JARID2: variants seen among roughly 807,000 people sequenced by gnomAD.
The protein encoded by JARID2 is jumonji and AT-rich interaction domain containing 2.
A neutral mutation model predicts 125.6 loss-of-function variants in JARID2; 21 were observed. That is an observed-to-expected ratio of 0.17 (90% CI 0.12 to 0.24). The LOEUF is 0.24. Among genes scored for constraint, JARID2 ranks in the 10% least tolerant of loss-of-function variants. The pLI, the probability that JARID2 is intolerant of heterozygous loss-of-function variation, is 1.00. For synonymous variants in JARID2, 736 were observed against 661.6 expected, an observed-to-expected ratio of 1.11 and a Z score of -1.73; for missense variants, 1,303 against 1,639.6, an observed-to-expected ratio of 0.79 and a Z score of 3.55.
At chr6:15,507,439 G>A in intron 11 of JARID2, 23 bp downstream of exon 11, 1 of 1,604,754 alleles carries the variant, frequency 6.2e-7, no homozygotes, top group Non-Finnish European at 8.5e-7. Flanking sequence ...GTGGCCGCCT[G>A]CCTGTGGCAG....
At chr6:15,356,237 T>C (rs985983226) in intron 1 of JARID2, among the ~76,000 whole-genome samples, 3 of 152,218 alleles carry the variant, frequency 2.0e-5, no homozygotes, top group African/African-American at 7.2e-5. Context: ...TTTATACTTT[T>C]TGGATATTAT....
intron 1 of JARID2, among the ~76,000 whole-genome samples, chr6:15,285,106 GTTTTTTTT>G (rs199945772): frequency 2.5e-5 from 3 of 119,458 alleles, no homozygotes; most frequent in South Asian, 2.6e-4. Flanking sequence ...GTCTTTCTGG[GTTTTTTTT>G]TTTTTTTTTT....
Position 15,520,082 on chromosome 6 carries a change from G to C in JARID2, c.3572G>C (p.Ser1191Thr), listed in dbSNP as rs752884763. Residue 1191 changes from serine to threonine, a missense_variant, in exon 18 of 18, where the codon AGT becomes ACT. Around this residue, in one of 11 missense-constraint regions of JARID2, gnomAD observed 190 missense variants for 341.4 expected, o/e 0.56. Coordinates refer to ENST00000341776, the MANE Select transcript of JARID2 (RefSeq NM_004973.4). The stretch of plus-strand genomic sequence containing the variant: ...ACCCCCAAACAGGAACAGATTATCA[G>C]TCTGGTCAATCAGATCTGCGGCAAA... Reference protein sequence around the residue: ...MYRYDEEQIISLVNQICGKVS... With the variant: ...MYRYDEEQIITLVNQICGKVS... The C allele has an allele frequency of 1.2e-6, 2 of 1,612,560 alleles. No individual in the cohort carries two copies. Among genetic ancestry groups the C allele is most frequent in the South Asian group, 2.2e-5 (2 of 90,840 alleles).
intron 3 of JARID2, among the ~76,000 whole-genome samples, chr6:15,415,021 C>G (rs574831290): frequency 7.1e-4 from 108 of 152,274 alleles, no homozygotes; most frequent in Middle Eastern, 3.4e-3. Context: ...TGACTCTTAA[C>G]GAGCATGCTG....
chr6:15,378,684 T>C (rs1158693206), intron 2 of JARID2, among the ~76,000 whole-genome samples: 1 of 152,190 alleles, frequency 6.6e-6, no homozygotes, highest in Non-Finnish European at 1.5e-5. Flanking sequence ...GAAAACTACA[T>C]TGGATCTTTG....
chr6:15,456,687 TC>T (rs1346660135), intron 4 of JARID2, among the ~76,000 whole-genome samples: 2 of 151,776 alleles, frequency 1.3e-5, no homozygotes, highest in Non-Finnish European at 2.9e-5. Flanking sequence ...ACCCTGAAAA[TC>T]TGATGGATTT....
chr6:15,282,918 C>G (rs1482363818), intron 1 of JARID2, among the ~76,000 whole-genome samples: 1 of 149,710 alleles, frequency 6.7e-6, no homozygotes, highest in African/African-American at 2.5e-5. Flanking sequence ...TGGTCTTTTT[C>G]TTATGACTTT....
intron 4 of JARID2, among the ~76,000 whole-genome samples, chr6:15,453,224 G>C (rs1768001326): frequency 6.6e-6 from 1 of 152,166 alleles, no homozygotes; most frequent in Non-Finnish European, 1.5e-5. Flanking sequence ...CAAGTTTAGA[G>C]CAAAAGGACC....
At chr6:15,371,081 C>T (rs1764151609) in intron 1 of JARID2, among the ~76,000 whole-genome samples, 1 of 152,242 alleles carries the variant, frequency 6.6e-6, no homozygotes, top group Admixed American at 6.5e-5. Context: ...TAATCTGGGT[C>T]ATGGATTTGC....
At chr6:15,367,864 T>TC (rs1042902438) in intron 1 of JARID2, among the ~76,000 whole-genome samples, 4 of 152,214 alleles carry the variant, frequency 2.6e-5, no homozygotes, top group African/African-American at 9.6e-5. Context: ...TCCAGTCGAC[T>TC]CCAAGTATCA....
At chr6:15,432,649 A>C (rs1767018443) in intron 3 of JARID2, among the ~76,000 whole-genome samples, 1 of 152,168 alleles carries the variant, frequency 6.6e-6, no homozygotes, top group South Asian at 2.1e-4. Flanking sequence ...CCATAGCTGG[A>C]AAGTTTGGAA....
At chr6:15,499,121 C>T (rs1207570602) in intron 7 of JARID2, among the ~76,000 whole-genome samples, 1 of 152,206 alleles carries the variant, frequency 6.6e-6, no homozygotes, top group East Asian at 1.9e-4. Flanking sequence ...TCTAAGGCGT[C>T]TGACATTCTG....
At chr6:15,294,190 C>T (rs977186668) in intron 1 of JARID2, among the ~76,000 whole-genome samples, 2 of 152,004 alleles carry the variant, frequency 1.3e-5, no homozygotes, top group Non-Finnish European at 2.9e-5. Context: ...GAAGGGAGTG[C>T]CCTTTTTTTC....
At chr6:15,355,206 A>G (rs1763557170) in intron 1 of JARID2, among the ~76,000 whole-genome samples, 1 of 152,182 alleles carries the variant, frequency 6.6e-6, no homozygotes, top group African/African-American at 2.4e-5. Context: ...TGTATTGATA[A>G]GCTACTTTTT....
chr6:15,472,090 T>G (rs1769103022), intron 5 of JARID2, among the ~76,000 whole-genome samples: 2 of 152,108 alleles, frequency 1.3e-5, no homozygotes, highest in Non-Finnish European at 2.9e-5. Context: ...GGGATTTTTT[T>G]GTCCCCTCAT....
intron 1 of JARID2, among the ~76,000 whole-genome samples, chr6:15,258,959 GATA>G (rs1417991999): frequency 6.6e-6 from 1 of 152,210 alleles, no homozygotes; most frequent in Non-Finnish European, 1.5e-5. Context: ...TAGAAATTCA[GATA>G]ATAAGGGTGC....
At chr6:15,269,185 G>C (rs1002548599) in intron 1 of JARID2, among the ~76,000 whole-genome samples, 7 of 152,224 alleles carry the variant, frequency 4.6e-5, no homozygotes, top group South Asian at 4.1e-4. Context: ...CTCCTCCCAG[G>C]CCTCTGTAAA....
chr6:15,414,789 C>T (rs1044074043), intron 3 of JARID2, among the ~76,000 whole-genome samples: 12 of 151,972 alleles, frequency 7.9e-5, no homozygotes, highest in African/African-American at 2.9e-4. Flanking sequence ...GATATATTTA[C>T]ATAGTTTATA....
chr6:15,340,231 T>A (rs1763022538), intron 1 of JARID2, among the ~76,000 whole-genome samples: 1 of 152,220 alleles, frequency 6.6e-6, no homozygotes, highest in Non-Finnish European at 1.5e-5. Context: ...GGGGTGCCTT[T>A]GAAGTGCTGA....
Sources: allele counts gnomAD v4.1 joint callset (sites outside exome capture counted in the v4.1 genomes callset), GRCh38; gene constraint gnomAD v4.1.1; regional missense constraint gnomAD v4.1.1; transcripts MANE v1.5; gene names NCBI Gene and HGNC (gene_info 2026-07-23, HGNC 2026-07-21).